ABCB11: variants seen among roughly 807,000 people sequenced by gnomAD.
ABCB11 encodes the protein ATP binding cassette subfamily B member 11, also known as bile salt export pump.
Under a neutral mutation model 148.0 loss-of-function variants are expected in ABCB11, and 95 were observed. The ratio of observed to expected loss-of-function variants is 0.64; its 90% CI spans 0.54 to 0.76. The LOEUF (loss-of-function observed/expected upper bound fraction) is 0.76. Among genes scored for constraint, ABCB11 ranks in the 30% least tolerant of loss-of-function variants. ABCB11 has a pLI of 0.00. For synonymous variants in ABCB11, 591 were observed against 555.4 expected, an observed-to-expected ratio of 1.06 and a Z score of -0.90; for missense variants, 1,523 against 1,617.8, an observed-to-expected ratio of 0.94 and a Z score of 1.01.
intron 19 of ABCB11, 85 bp from the exon 20 acceptor site, chr2:168,945,046 C>T (rs1692240461): frequency 1.1e-5 from 11 of 966,408 alleles, no homozygotes; most frequent in South Asian, 1.1e-4. Context: ...ATTTTTCTTA[C>T]CATGTCATTA....
intron 11 of ABCB11, among the ~76,000 whole-genome samples, chr2:168,977,709 C>T (rs116306951): frequency 0.02 from 3,096 of 152,208 alleles, 116 homozygotes; most frequent in African/African-American, 0.07. Flanking sequence ...CCTCAGGAAA[C>T]TTACAACCAT....
chr2:168,935,822 G>A (rs1022602525), intron 22 of ABCB11, among the ~76,000 whole-genome samples: 1 of 152,170 alleles, frequency 6.6e-6, no homozygotes, highest in Non-Finnish European at 1.5e-5. Flanking sequence ...GAAGAGCAAA[G>A]GCATGTGCCA....
intron 13 of ABCB11, among the ~76,000 whole-genome samples, chr2:168,973,253 G>A (rs1693671602): frequency 6.6e-6 from 1 of 151,770 alleles, no homozygotes; most frequent in African/African-American, 2.4e-5. Context: ...TCCTTAGGTG[G>A]TTTCATCACT....
At chr2:168,957,773 C>T (rs1431343665) in intron 19 of ABCB11, among the ~76,000 whole-genome samples, 191 bp downstream of exon 19, 5 of 151,458 alleles carry the variant, frequency 3.3e-5, no homozygotes, top group African/African-American at 1.2e-4. Flanking sequence ...CCCTGCGAGC[C>T]CAAATGAGAG....
At chr2:169,009,800 C>T (rs1695128164) in intron 5 of ABCB11, among the ~76,000 whole-genome samples, 3 of 151,986 alleles carry the variant, frequency 2.0e-5, no homozygotes, top group Admixed American at 2.0e-4. Context: ...TGTAAATATA[C>T]TAAAAAACAT....
chr2:168,951,818 T>C (rs1183915523), intron 19 of ABCB11, among the ~76,000 whole-genome samples: 1 of 151,718 alleles, frequency 6.6e-6, no homozygotes, highest in Admixed American at 6.6e-5. Flanking sequence ...GGCATCCTTA[T>C]CTTGTCCCAG....
At chr2:169,005,965 C>T (rs1259607804) in intron 5 of ABCB11, among the ~76,000 whole-genome samples, 1 of 152,070 alleles carries the variant, frequency 6.6e-6, no homozygotes, top group East Asian at 1.9e-4. Context: ...CTGAAGAATT[C>T]TACAAAGCAT....
intron 11 of ABCB11, among the ~76,000 whole-genome samples, chr2:168,978,383 G>A (rs13410266): frequency 0.18 from 26,594 of 151,572 alleles, 2,834 homozygotes; most frequent in East Asian, 0.55. Context: ...CTATCCTCCC[G>A]ACTTGGCCTC....
At chr2:169,018,008 C>G (rs1695416439) in intron 2 of ABCB11, 42 bp downstream of exon 2, 1 of 1,543,760 alleles carries the variant, frequency 6.5e-7, no homozygotes, top group Non-Finnish European at 9.0e-7. Flanking sequence ...TTGTTCTCAC[C>G]TCTCCTTGTA....
At chr2:168,938,166 C>A (rs974409027) in intron 21 of ABCB11, among the ~76,000 whole-genome samples, 1 of 152,046 alleles carries the variant, frequency 6.6e-6, no homozygotes, top group African/African-American at 2.4e-5. Flanking sequence ...AATTGTGTCC[C>A]AAAGCATTCC....
At chr2:168,969,959 CTCCCA>C in intron 15 of ABCB11, 81 bp downstream of exon 15, 2 of 959,198 alleles carry the variant, frequency 2.1e-6, no homozygotes, top group East Asian at 3.3e-5. Flanking sequence ...ACTCCCATCC[CTCCCA>C]CCCCACAAGG....
chr2:168,962,217 T>G (rs1383127036), intron 18 of ABCB11, among the ~76,000 whole-genome samples: 2 of 151,734 alleles, frequency 1.3e-5, no homozygotes, highest in African/African-American at 4.8e-5. Flanking sequence ...TTCTCTCTTC[T>G]TCCTTTCTAT....
intron 13 of ABCB11, 54 bp downstream of exon 13, chr2:168,973,661 G>A: frequency 6.3e-7 from 1 of 1,593,190 alleles, no homozygotes; most frequent in Non-Finnish European, 8.6e-7. Flanking sequence ...TCAATATACT[G>A]CCATTTGCAC....
At chr2:168,946,136 C>G (rs1559192950) in intron 19 of ABCB11, among the ~76,000 whole-genome samples, 1 of 151,802 alleles carries the variant, frequency 6.6e-6, no homozygotes, top group Admixed American at 6.6e-5. Flanking sequence ...CATAACAGAA[C>G]CTTTGTAATT....
At chr2:168,990,737 A>T in intron 9 of ABCB11, 64 bp downstream of exon 9, 1 of 1,598,718 alleles carries the variant, frequency 6.3e-7, no homozygotes, top group Non-Finnish European at 8.5e-7. Context: ...GCACAAACTG[A>T]GAGACTCAGG....
downstream of ABCB11, among the ~76,000 whole-genome samples, chr2:168,916,663 C>T (rs1044155646): frequency 5.9e-5 from 9 of 152,192 alleles, no homozygotes; most frequent in African/African-American, 9.7e-5. Flanking sequence ...TTTCACCTGC[C>T]GTCTCACATG....
chr2:168,936,335 G>A lies in ABCB11; in HGVS notation c.2709C>T (p.Val903=), dbSNP rs1421890945. 1 of 1,613,912 alleles carries A rather than the reference G, an allele frequency of 6.2e-7. No homozygotes were observed. The highest frequency in any genetic ancestry group is 1.1e-5 in the South Asian group (1 of 91,066). The stretch of plus-strand genomic sequence containing the variant: ...CCAAGAAGGGGAAGAAGCACAAGAT[G>A]ACCAGGCTCAGCTTCCAGCTAAAGG... ...AFSFSWKLSL[V]ILCFFPFLAL... The change falls in exon 22 of 28, where the codon GTC becomes GTT. Residue 903 remains valine, a synonymous_variant. Transcript: ENST00000650372.
At chr2:168,945,853 T>C (rs1692284074) in intron 19 of ABCB11, among the ~76,000 whole-genome samples, 1 of 151,880 alleles carries the variant, frequency 6.6e-6, no homozygotes, top group Admixed American at 6.6e-5. Context: ...ATCAAAGCAT[T>C]GACTGGAATT....
chr2:168,983,370 T>C (rs940067910), intron 10 of ABCB11, among the ~76,000 whole-genome samples: 2 of 152,190 alleles, frequency 1.3e-5, no homozygotes, highest in Non-Finnish European at 2.9e-5. Flanking sequence ...CAAGGGACTA[T>C]AGTTAAAATC....
Sources: gnomAD v4.1 joint callset for allele counts (sites outside exome capture counted in the v4.1 genomes callset) on GRCh38, gnomAD v4.1.1 for gene constraint, MANE v1.5 for transcripts, NCBI Gene and HGNC (gene_info 2026-07-23, HGNC 2026-07-21) for gene names.